Variants in XKR6 observed in about 807,000 individuals in gnomAD.
XKR6 encodes the protein XK-related protein 6.
A neutral mutation model predicts 56.7 loss-of-function variants in XKR6; 22 were observed. The observed-to-expected ratio is 0.39, with a 90% CI of 0.28 to 0.55. XKR6 has a LOEUF of 0.55. XKR6 is among the 20% of genes least tolerant of loss of function. The pLI, the probability that XKR6 is intolerant of heterozygous loss-of-function variation, is 0.66. For missense variants in XKR6, 852 were observed against 889.0 expected, an observed-to-expected ratio of 0.96 and a Z score of 0.53; for synonymous variants, 524 against 387.8, an observed-to-expected ratio of 1.35 and a Z score of -4.13.
chr8:11,005,021 G>C (rs1030445450), intron 1 of XKR6, among the ~76,000 whole-genome samples: 6 of 152,106 alleles, frequency 3.9e-5, no homozygotes, highest in African/African-American at 1.4e-4. Context: ...AACAGAATGT[G>C]GTACAGTCCC....
intron 1 of XKR6, among the ~76,000 whole-genome samples, chr8:11,149,610 C>T (rs7012937): frequency 1.0e-3 from 152 of 150,712 alleles, no homozygotes; most frequent in African/African-American, 3.5e-3. Context: ...CTATGCTTCA[C>T]GTTAAAAAAA....
At chr8:11,088,907 G>A (rs1797979080) in intron 1 of XKR6, among the ~76,000 whole-genome samples, 2 of 152,222 alleles carry the variant, frequency 1.3e-5, no homozygotes, top group Non-Finnish European at 2.9e-5. Flanking sequence ...ATTATTTGTG[G>A]CAGGGCAAAT....
intron 1 of XKR6, among the ~76,000 whole-genome samples, chr8:11,184,421 T>A (rs1429779476): frequency 1.4e-5 from 2 of 145,162 alleles, no homozygotes; most frequent in Non-Finnish European, 3.0e-5. Context: ...ACACACACAC[T>A]TATATTACAT....
chr8:11,133,644 A>G, intron 1 of XKR6, among the ~76,000 whole-genome samples: 1 of 152,126 alleles, frequency 6.6e-6, no homozygotes, highest in Non-Finnish European at 1.5e-5. Flanking sequence ...CTTTGCTGGG[A>G]AAAGCATGCT....
At chr8:11,126,789 G>C (rs1245996478) in intron 1 of XKR6, among the ~76,000 whole-genome samples, 2 of 152,102 alleles carry the variant, frequency 1.3e-5, no homozygotes, top group South Asian at 2.1e-4. Context: ...TATAACCTCA[G>C]AGACCAGGAG....
At chr8:10,916,115 TG>T (rs1181615905) in intron 2 of XKR6, among the ~76,000 whole-genome samples, 1 of 152,212 alleles carries the variant, frequency 6.6e-6, no homozygotes, top group Non-Finnish European at 1.5e-5. Flanking sequence ...CTGCTCAATT[TG>T]GGGTCCACCA....
At chr8:11,080,933 G>A (rs1797698902) in intron 1 of XKR6, among the ~76,000 whole-genome samples, 2 of 152,164 alleles carry the variant, frequency 1.3e-5, no homozygotes, top group Non-Finnish European at 2.9e-5. Context: ...CACAAAAGAA[G>A]ATCCGTATGA....
In XKR6 at chr8:11,001,616, G is replaced by T. The variant is rs1441496513; in HGVS notation, c.765-76786C>A. On this transcript the variant is annotated intron_variant, in intron 1 of 2. Transcript: ENST00000416569. The stretch of plus-strand genomic sequence containing the variant: ...TACCCTGCCTCTGGACTACCCAAGA[G>T]TCAGCAGGGCCCCCCATTCCTGGAG... 3.3e-5 allele frequency among the ~76,000 whole-genome samples: 5 copies of T among 152,352 alleles called. 1 individual carries two copies. Among genetic ancestry groups the T allele is most frequent in the African/African-American group, 1.2e-4 (5 of 41,574 alleles).
At chr8:10,961,286 G>C (rs1159470345) in intron 1 of XKR6, among the ~76,000 whole-genome samples, 1 of 152,216 alleles carries the variant, frequency 6.6e-6, no homozygotes, top group African/African-American at 2.4e-5. Context: ...CGGGACGCTG[G>C]AGGCCATGTG....
chr8:10,913,884 G>A (rs530642226), intron 2 of XKR6, among the ~76,000 whole-genome samples: 1 of 152,318 alleles, frequency 6.6e-6, no homozygotes, highest in East Asian at 1.9e-4. Context: ...CACGAGGCAG[G>A]AGGACCTGCG....
intron 1 of XKR6, among the ~76,000 whole-genome samples, chr8:10,959,985 G>A (rs1184614360): frequency 2.0e-5 from 3 of 151,996 alleles, no homozygotes; most frequent in Non-Finnish European, 4.4e-5. Context: ...GGTTGCTCCT[G>A]GGATTACAAA....
intron 1 of XKR6, among the ~76,000 whole-genome samples, chr8:11,149,757 A>G (rs555936107): frequency 2.0e-5 from 3 of 152,310 alleles, no homozygotes; most frequent in South Asian, 4.1e-4. Flanking sequence ...CATTTGTCCA[A>G]AGGAAAAGAA....
At chr8:11,149,052 T>G (rs1008336020) in intron 1 of XKR6, among the ~76,000 whole-genome samples, 7 of 152,188 alleles carry the variant, frequency 4.6e-5, no homozygotes, top group Admixed American at 1.3e-4. Context: ...AAGGAAACTG[T>G]GGGGGTCTCA....
At chr8:10,958,227 C>T (rs1486928006) in intron 1 of XKR6, among the ~76,000 whole-genome samples, 1 of 152,204 alleles carries the variant, frequency 6.6e-6, no homozygotes, top group East Asian at 1.9e-4. Context: ...TGGATGGCAA[C>T]CAAGCCAAGT....
intron 1 of XKR6, among the ~76,000 whole-genome samples, chr8:11,062,086 G>T (rs1799849499): frequency 6.6e-6 from 1 of 152,194 alleles, no homozygotes; most frequent in South Asian, 2.1e-4. Flanking sequence ...AAACCAGGAT[G>T]CTCAGAGAAA....
chr8:11,138,963 A>C (rs1275685609), intron 1 of XKR6, among the ~76,000 whole-genome samples: 4 of 152,142 alleles, frequency 2.6e-5, no homozygotes, highest in Non-Finnish European at 5.9e-5. Flanking sequence ...AATTTTCAAC[A>C]ATATTCATAT....
At chr8:11,176,430 C>T (rs1470186270) in intron 1 of XKR6, among the ~76,000 whole-genome samples, 1 of 152,112 alleles carries the variant, frequency 6.6e-6, no homozygotes, top group African/African-American at 2.4e-5. Flanking sequence ...AAAACTTAAG[C>T]ATGACACCAA....
chr8:11,101,334 GA>G (rs1215159784), intron 1 of XKR6, among the ~76,000 whole-genome samples: 2 of 152,188 alleles, frequency 1.3e-5, no homozygotes, highest in African/African-American at 4.8e-5. Flanking sequence ...GAGCGGCCTT[GA>G]AAAAGATGCC....
intron 1 of XKR6, among the ~76,000 whole-genome samples, chr8:11,155,139 C>G (rs952253753): frequency 2.0e-5 from 3 of 152,260 alleles, no homozygotes; most frequent in Non-Finnish European, 4.4e-5. Context: ...ACTCCCACAA[C>G]TGTGCTCATT....
Sources: allele counts gnomAD v4.1 joint callset (sites outside exome capture counted in the v4.1 genomes callset), GRCh38; gene constraint gnomAD v4.1.1; transcripts MANE v1.5; gene names NCBI Gene and HGNC (gene_info 2026-07-23, HGNC 2026-07-21).